Variants in LIPI observed in about 807,000 individuals in gnomAD.
LIPI encodes lipase member I.
LIPI carries 59 observed loss-of-function variants against 50.6 expected under a neutral mutation model. That is an observed-to-expected ratio of 1.16 (90% CI 0.94 to 1.45). The LOEUF (loss-of-function observed/expected upper bound fraction) is 1.45, where lower values mean the gene tolerates loss of function less well. LIPI is among the 40% of genes most tolerant of loss of function. The pLI is 0.00. For synonymous variants in LIPI, 203 were observed against 178.2 expected, an observed-to-expected ratio of 1.14 and a Z score of -1.11; for missense variants, 586 against 536.3, an observed-to-expected ratio of 1.09 and a Z score of -0.92.
At chr21:14,109,134 G>C in intron 9 of LIPI, 54 bp from the exon 10 acceptor site, 3 of 1,368,760 alleles carry the variant, frequency 2.2e-6, no homozygotes, top group South Asian at 1.2e-5. Context: ...TAAAACAACA[G>C]AGTTGATTTC....
chr21:14,117,703 T>C (rs1462667944), intron 9 of LIPI, among the ~76,000 whole-genome samples: 1 of 152,148 alleles, frequency 6.6e-6, no homozygotes, highest in Non-Finnish European at 1.5e-5. Flanking sequence ...AGGGAATCAG[T>C]GCATGGTTAA....
At chr21:14,170,394 T>G (rs2018851889) in intron 4 of LIPI, among the ~76,000 whole-genome samples, 1 of 151,986 alleles carries the variant, frequency 6.6e-6, no homozygotes, top group Non-Finnish European at 1.5e-5. Flanking sequence ...TACCAAAGCC[T>G]GGCAGAGACA....
At chr21:14,128,027 C>T (rs941318040) in intron 9 of LIPI, among the ~76,000 whole-genome samples, 2 of 151,994 alleles carry the variant, frequency 1.3e-5, no homozygotes, top group African/African-American at 4.8e-5. Context: ...GCTTACAACC[C>T]AGTTCATGAT....
intron 9 of LIPI, among the ~76,000 whole-genome samples, chr21:14,111,474 T>C (rs532940614): frequency 1.3e-5 from 2 of 152,250 alleles, no homozygotes; most frequent in South Asian, 2.1e-4. Context: ...GAGTTCCTTA[T>C]ATATCTTGGA....
At chr21:14,163,106 A>G (rs981589829) in intron 7 of LIPI, among the ~76,000 whole-genome samples, 2 of 151,440 alleles carry the variant, frequency 1.3e-5, no homozygotes, top group African/African-American at 4.8e-5. Flanking sequence ...ATATATATAT[A>G]TATCATAGGC....
In LIPI at chr21:14,161,622, A is replaced by ATTAATGTATAATATATACATTATT. The variant is rs1568858276; in HGVS notation, c.1006+1796_1006+1797insAATAATGTATATATTATACATTAA. 1.2e-3 allele frequency among the ~76,000 whole-genome samples: 115 copies of ATTAATGTATAATATATACATTATT among 95,542 alleles called. 10 individuals carry two copies. The highest frequency in any genetic ancestry group is 5.4e-3 in the African/African-American group (109 of 20,332). The allele number at this position is 95,542 out of a possible 152,430, so 62.7% of individuals were successfully genotyped here. On this transcript the variant is annotated intron_variant, in intron 7 of 9. Transcript: ENST00000681601. Reference sequence around the variant, plus strand: ...ATATTAATATATAATATACATATATAATATATTAATATATAATATATACAT... The same window carrying ATTAATGTATAATATATACATTATT: ...ATATTAATATATAATATACATATATATTAATGTATAATATATACATTATTATATATTAATATATAATATATACAT...
chr21:14,120,195 T>C (rs867910043), intron 9 of LIPI, among the ~76,000 whole-genome samples: 7 of 152,330 alleles, frequency 4.6e-5, no homozygotes, highest in Middle Eastern at 3.4e-3. Flanking sequence ...TTGAATATTT[T>C]ACTGATGGAA....
intron 4 of LIPI, among the ~76,000 whole-genome samples, chr21:14,167,539 G>A (rs144428328): frequency 0.014 from 2,178 of 152,294 alleles, 48 homozygotes; most frequent in African/African-American, 0.049. Context: ...TGATCAGACA[G>A]CAGCATTCGC....
intron 9 of LIPI, among the ~76,000 whole-genome samples, chr21:14,133,250 C>T (rs569660822): frequency 6.6e-6 from 1 of 151,960 alleles, no homozygotes; most frequent in Non-Finnish European, 1.5e-5. Flanking sequence ...CAAAAAATAG[C>T]AAATCAAATG....
intron 1 of LIPI, among the ~76,000 whole-genome samples, chr21:14,197,070 TAA>T (rs2019888754): frequency 6.6e-6 from 1 of 151,182 alleles, no homozygotes. Context: ...AAATGAGATA[TAA>T]GTCATTGTAA....
At chr21:14,168,302 C>T (rs1009360299) in intron 4 of LIPI, among the ~76,000 whole-genome samples, 1 of 152,300 alleles carries the variant, frequency 6.6e-6, no homozygotes, top group South Asian at 2.1e-4. Context: ...AAGATATTAT[C>T]CAGGAGGACT....
At chr21:14,154,325 T>C (rs374341517) in intron 7 of LIPI, among the ~76,000 whole-genome samples, 3 of 152,188 alleles carry the variant, frequency 2.0e-5, no homozygotes, top group East Asian at 3.9e-4. Flanking sequence ...TAGAATTCTG[T>C]CCTAAACTAT....
chr21:14,148,895 C>T (rs1441690413), intron 8 of LIPI, among the ~76,000 whole-genome samples: 3 of 152,210 alleles, frequency 2.0e-5, no homozygotes, highest in Non-Finnish European at 4.4e-5. Flanking sequence ...AGTGCACTAA[C>T]TAATCCAAGT....
chr21:14,117,706 A>AT (rs1475015186), intron 9 of LIPI, among the ~76,000 whole-genome samples: 1 of 152,182 alleles, frequency 6.6e-6, no homozygotes, highest in African/African-American at 2.4e-5. Context: ...GAATCAGTGC[A>AT]TGGTTAATGC....
intron 1 of LIPI, among the ~76,000 whole-genome samples, chr21:14,203,039 T>G (rs1367490583): frequency 1.3e-5 from 2 of 152,206 alleles, no homozygotes; most frequent in East Asian, 1.9e-4. Context: ...GAACAGACAC[T>G]TCTCAAAAGA....
chr21:14,182,078 G>A (rs1034510750), intron 3 of LIPI, among the ~76,000 whole-genome samples: 5 of 152,090 alleles, frequency 3.3e-5, no homozygotes, highest in East Asian at 3.8e-4. Flanking sequence ...AGGTTAAGCC[G>A]CAACAAAATA....
chr21:14,112,804 T>C (rs1233356780), intron 9 of LIPI, among the ~76,000 whole-genome samples: 1 of 152,124 alleles, frequency 6.6e-6, no homozygotes, highest in Non-Finnish European at 1.5e-5. Context: ...ATTTAAAATA[T>C]ATTAAAAAAG....
intron 8 of LIPI, among the ~76,000 whole-genome samples, chr21:14,150,018 G>C (rs2018035726): frequency 6.6e-6 from 1 of 152,112 alleles, no homozygotes; most frequent in Non-Finnish European, 1.5e-5. Flanking sequence ...CTCTGTATAG[G>C]GCTCCAATCC....
chr21:14,200,668 T>G (rs2020021911), intron 1 of LIPI, among the ~76,000 whole-genome samples: 4 of 152,044 alleles, frequency 2.6e-5, no homozygotes, highest in Admixed American at 2.6e-4. Context: ...ATCAGTATCA[T>G]TAAAATGACC....
Sources: allele counts gnomAD v4.1 joint callset (sites outside exome capture counted in the v4.1 genomes callset), GRCh38; gene constraint gnomAD v4.1.1; transcripts MANE v1.5; gene names NCBI Gene and HGNC (gene_info 2026-07-23, HGNC 2026-07-21).